Variants in NCKAP5L observed in about 807,000 individuals in gnomAD.
NCKAP5L encodes the protein nck-associated protein 5-like.
NCKAP5L carries 54 observed loss-of-function variants against 103.2 expected under a neutral mutation model. The observed-to-expected ratio is 0.52, with a 90% CI of 0.42 to 0.66. NCKAP5L has a LOEUF of 0.66. NCKAP5L is among the 30% of genes least tolerant of loss of function. The probability of loss-of-function intolerance (pLI) is 0.00; values close to 1 mark genes in which losing one functional copy is unlikely to be tolerated. For synonymous variants in NCKAP5L, 762 were observed against 748.6 expected (o/e 1.02, Z -0.29); for missense variants, 1,733 against 1,750.6 (o/e 0.99, Z 0.18).
In NCKAP5L at chr12:49,818,915, G is replaced by A. The variant is rs190806800; in HGVS notation, c.-99+9407C>T. On this transcript the variant is annotated intron_variant, in intron 1 of 12. Transcript: ENST00000335999. ...GAAGTTTCTCAAAAAACTTAAAATAGGCCAGACCCAGTGGCTCACACCTAT... is the reference window on the plus strand; with the variant it reads ...GAAGTTTCTCAAAAAACTTAAAATAAGCCAGACCCAGTGGCTCACACCTAT... Among the ~76,000 whole-genome samples, 346 of 151,946 alleles carry A rather than the reference G, an allele frequency of 2.3e-3. 3 individuals carry two copies. The highest frequency in any genetic ancestry group is 7.5e-3 in the African/African-American group (311 of 41,408).
In NCKAP5L at chr12:49,796,115, G is replaced by A; in HGVS notation, c.1745C>T (p.Pro582Leu). 1 of 1,610,672 alleles carries A rather than the reference G, an allele frequency of 6.2e-7. No homozygotes were observed. Among genetic ancestry groups the A allele is most frequent in the African/African-American group, 1.3e-5 (1 of 75,028 alleles). ...PEPPPSPLQV[P>L]TYPQLTLEVP... ...CTCCAGAGTTAGCTGTGGGTAGGTG[G>A]GCACCTGCAGTGGGGATGGAGGTGG... The change falls in exon 8 of 13, where the codon CCC becomes CTC. Residue 582 changes from proline (P) to leucine (L), a missense_variant. Transcript: ENST00000335999.
At chr12:49,816,624 CCT>C (rs1251860741) in intron 1 of NCKAP5L, among the ~76,000 whole-genome samples, 1 of 151,766 alleles carries the variant, frequency 6.6e-6, no homozygotes, top group African/African-American at 2.4e-5. Context: ...ATGGTGAAAC[CCT>C]GTCTTTACTA....
At chr12:49,803,066 A>G (rs2137013073) in intron 4 of NCKAP5L, 31 bp downstream of exon 4, 2 of 1,614,218 alleles carry the variant, frequency 1.2e-6, no homozygotes, top group Non-Finnish European at 1.7e-6. Context: ...GATGAGCCAC[A>G]TCCCCCCAGT....
chr12:49,811,438 C>T (rs944198436), intron 1 of NCKAP5L, among the ~76,000 whole-genome samples: 1 of 152,108 alleles, frequency 6.6e-6, no homozygotes, highest in Non-Finnish European at 1.5e-5. Flanking sequence ...GCCACCCTCC[C>T]ATCCCCCTCG....
At chr12:49,818,147 C>A (rs1027024134) in intron 1 of NCKAP5L, among the ~76,000 whole-genome samples, 178 of 148,286 alleles carry the variant, frequency 1.2e-3, no homozygotes, top group African/African-American at 3.6e-3. Context: ...AAAAAAAAAA[C>A]AAAAAAACCT....
chr12:49,804,846 T>C (rs1392769125), intron 2 of NCKAP5L: 1 of 152,238 alleles, frequency 6.6e-6, no homozygotes, highest in Non-Finnish European at 1.5e-5. Context: ...ATGGGGAGAA[T>C]ACAGTTGAGC....
chr12:49,825,547 A>C (rs1401273372), intron 1 of NCKAP5L, among the ~76,000 whole-genome samples: 1 of 152,096 alleles, frequency 6.6e-6, no homozygotes, highest in Admixed American at 6.5e-5. Flanking sequence ...AAGAGGGAAC[A>C]GCAGCTTCTG....
rs746358285 is a variant in NCKAP5L, at chr12:49,793,715, C to A, written c.3258+19G>T. 27 of 1,533,868 alleles carry A rather than the reference C, an allele frequency of 1.8e-5. No homozygotes were observed. The highest frequency in any genetic ancestry group is 2.2e-5 in the Non-Finnish European group (25 of 1,140,278). ...CAGAGAGCCAGGCCGTCCACCCAGT[C>A]CCTACCCCAAGAACTTACCTTTCCA... On this transcript the variant is annotated intron_variant, in intron 9 of 12. Transcript: ENST00000335999.
chr12:49,818,135 A>G (rs1946320363), intron 1 of NCKAP5L, among the ~76,000 whole-genome samples: 2 of 149,338 alleles, frequency 1.3e-5, no homozygotes, highest in Admixed American at 6.7e-5. Context: ...GTGTCTTGGA[A>G]AAAAAAAAAA....
chr12:49,816,538 G>C (rs1325826480), intron 1 of NCKAP5L, among the ~76,000 whole-genome samples: 1 of 147,656 alleles, frequency 6.8e-6, no homozygotes, highest in African/African-American at 2.5e-5. Context: ...GGTGGCTCAT[G>C]CCTGTAATCC....
At chr12:49,808,912 G>A (rs907572671) in intron 1 of NCKAP5L, among the ~76,000 whole-genome samples, 1 of 152,170 alleles carries the variant, frequency 6.6e-6, no homozygotes, top group Non-Finnish European at 1.5e-5. Context: ...AACTTGAACT[G>A]GAGGCTTCTC....
rs200618842 is a variant in NCKAP5L at position 49,794,791 on chromosome 12, G to T, written c.3069C>A (p.Asp1023Glu). The T allele has an allele frequency of 2.1e-4, 327 of 1,540,600 alleles. 1 individual carries two copies. In the African/African-American group the frequency reaches 4.3e-3, roughly 20 times the overall value. ...GQLAGMYQGA[D>E]TFMQQLLNRV... Reference sequence around the variant, plus strand: ...TGTTTAGCAGCTGCTGCATGAAGGTGTCTGCACCTTGGTACATGCCAGCCA... The same window carrying T: ...TGTTTAGCAGCTGCTGCATGAAGGTTTCTGCACCTTGGTACATGCCAGCCA... Residue 1023 changes from aspartate (D) to glutamate (E), a missense_variant, in exon 8 of 13, where the codon GAC (aspartate) becomes GAA (glutamate). Asp to Glu is a conservative substitution (Grantham distance 45). Transcript: ENST00000335999.
chr12:49,825,895 GA>G (rs1450396325), intron 1 of NCKAP5L, among the ~76,000 whole-genome samples: 2 of 152,110 alleles, frequency 1.3e-5, no homozygotes, highest in Non-Finnish European at 2.9e-5. Context: ...AAACAAACAA[GA>G]AGAACTTCAA....
chr12:49,824,966 T>G (rs1946400383), intron 1 of NCKAP5L, among the ~76,000 whole-genome samples: 1 of 152,238 alleles, frequency 6.6e-6, no homozygotes, highest in Non-Finnish European at 1.5e-5. Context: ...GTTCAAGAAC[T>G]GGCCCTCTCT....
At chr12:49,793,985 G>A (rs1422070522) in intron 8 of NCKAP5L, 89 bp from the exon 9 acceptor site, 1 of 1,234,818 alleles carries the variant, frequency 8.1e-7, no homozygotes, top group Non-Finnish European at 1.1e-6. Context: ...TGGGCTTAGG[G>A]AGGCACTTCC....
intron 1 of NCKAP5L, among the ~76,000 whole-genome samples, chr12:49,827,030 G>T (rs1267446399): frequency 2.0e-5 from 3 of 152,208 alleles, no homozygotes; most frequent in African/African-American, 7.2e-5. Context: ...GTTGTTTTTA[G>T]GAAGATGGGG....
At chr12:49,809,057 T>C (rs1319870494) in intron 1 of NCKAP5L, among the ~76,000 whole-genome samples, 1 of 151,206 alleles carries the variant, frequency 6.6e-6, no homozygotes, top group Non-Finnish European at 1.5e-5. Context: ...AGGGGGCCAG[T>C]TTTCAGGCAG....
At position 49,797,462 on chromosome 12, in the gene NCKAP5L, C is replaced by G; in HGVS notation, c.466-68G>C. 7.9e-7 allele frequency: 1 copy of G among 1,259,280 alleles called. No individual in the cohort carries two copies. The highest frequency in any genetic ancestry group is 1.5e-5 in the South Asian group (1 of 68,334). 78.0% of individuals were successfully genotyped at this position (1,259,280 alleles called of 1,614,324 possible). Reference sequence around the variant, plus strand: ...CTGGGATCCAGTTCCAGGCCCAGGCCCTGGGCTGGCTTAACAGGGAATGCC... The same window carrying G: ...CTGGGATCCAGTTCCAGGCCCAGGCGCTGGGCTGGCTTAACAGGGAATGCC... On this transcript the variant is annotated intron_variant, in intron 7 of 12. Coordinates refer to ENST00000335999, the MANE Select transcript of NCKAP5L (RefSeq NM_001037806.4). The surrounding 1 kb of genome is among the most constrained non-coding windows in gnomAD (Gnocchi z 4.5).
At chr12:49,820,196 T>C (rs915628194) in intron 1 of NCKAP5L, among the ~76,000 whole-genome samples, 1 of 152,004 alleles carries the variant, frequency 6.6e-6, no homozygotes, top group African/African-American at 2.4e-5. Context: ...CAGCTATTAG[T>C]ATTTTCTCCC....
Sources: gnomAD v4.1 joint callset for allele counts (sites outside exome capture counted in the v4.1 genomes callset) on GRCh38, gnomAD v4.1.1 for gene constraint, Gnocchi (gnomAD v3.1) non-coding constraint, MANE v1.5 for transcripts, NCBI Gene and HGNC (gene_info 2026-07-23, HGNC 2026-07-21) for gene names.